The following CSPP1 variants were observed in gnomAD, a reference collection of about 807,000 sequenced individuals.
CSPP1 encodes centrosome and spindle pole-associated protein 1.
A neutral mutation model predicts 164.4 loss-of-function variants in CSPP1; 126 were observed. That is an observed-to-expected ratio of 0.77 (90% CI 0.66 to 0.89). CSPP1 has a LOEUF of 0.89. Among genes scored for constraint, CSPP1 ranks in the 40% least tolerant of loss-of-function variants. The probability of loss-of-function intolerance (pLI) is 0.00; values close to 1 mark genes in which losing one functional copy is unlikely to be tolerated. For missense variants in CSPP1, 1,395 were observed against 1,449.8 expected (o/e 0.96, Z 0.61); for synonymous variants, 472 against 476.7 (o/e 0.99, Z 0.13).
At chr8:67,161,621 A>G (rs1369059919) in intron 21 of CSPP1, among the ~76,000 whole-genome samples, 190 bp from the exon 22 acceptor site, 1 of 152,138 alleles carries the variant, frequency 6.6e-6, no homozygotes, top group African/African-American at 2.4e-5. Context: ...ATTTATGTTT[A>G]TCATAACCAA....
intron 3 of CSPP1, among the ~76,000 whole-genome samples, chr8:67,085,295 T>C (rs1810148683): frequency 6.6e-6 from 1 of 151,938 alleles, no homozygotes; most frequent in Non-Finnish European, 1.5e-5. Context: ...TCCATTTTTA[T>C]GAAATCAGAA....
rs145635985 is a variant in CSPP1, at chr8:67,103,077, C to T, written c.964C>T (p.His322Tyr). 142 of 1,611,668 alleles carry T rather than the reference C, an allele frequency of 8.8e-5. No individual in the cohort carries two copies. The East Asian group carries it at 1.6e-3, about 18-fold the overall frequency. Reference sequence around the variant, plus strand: ...ACGAGGGAATATGCCTCCTATGGAACATGATGGGGATGTTATAGAACAGTC... The same window carrying T: ...ACGAGGGAATATGCCTCCTATGGAATATGATGGGGATGTTATAGAACAGTC... Reference protein sequence around the residue: ...NKRGNMPPMEHDGDVIEQSNI... With the variant: ...NKRGNMPPMEYDGDVIEQSNI... Residue 322 changes from histidine (H) to tyrosine (Y), a missense_variant, in exon 8 of 31, where the codon CAT (histidine) becomes TAT (tyrosine). Coordinates refer to ENST00000678616, the MANE Select transcript of CSPP1 (RefSeq NM_001382391.1).
intron 16 of CSPP1, among the ~76,000 whole-genome samples, chr8:67,132,860 C>T (rs1821505809): frequency 6.6e-6 from 1 of 152,136 alleles, no homozygotes; most frequent in Admixed American, 6.5e-5. Flanking sequence ...GTATGGGGTT[C>T]TTTGTGGGAA....
chr8:67,088,667 C>T (rs1206591308), intron 4 of CSPP1, among the ~76,000 whole-genome samples: 2 of 150,814 alleles, frequency 1.3e-5, no homozygotes, highest in African/African-American at 4.9e-5. Flanking sequence ...GAGGCAGAGG[C>T]GGGCAGATCA....
chr8:67,158,626 T>G, intron 20 of CSPP1, 30 bp downstream of exon 20: 1 of 1,546,274 alleles, frequency 6.5e-7, no homozygotes, highest in Non-Finnish European at 8.7e-7. Context: ...TGTATTTTAC[T>G]ACTTAGTCTG....
chr8:67,193,348 C>T (rs1253888698), intron 29 of CSPP1, 116 bp from the exon 30 acceptor site: 18 of 803,050 alleles, frequency 2.2e-5, no homozygotes, highest in Middle Eastern at 2.5e-4. Flanking sequence ...CTGCCCACCT[C>T]GGCTTCCCAA....
intron 15 of CSPP1, among the ~76,000 whole-genome samples, chr8:67,129,875 T>C (rs1820855784): frequency 6.6e-6 from 1 of 152,212 alleles, no homozygotes; most frequent in South Asian, 2.1e-4. Context: ...CATATGGCTA[T>C]GAAGGATATT....
chr8:67,172,614 A>ATTGTTTT, intron 25 of CSPP1, 59 bp downstream of exon 25: 4 of 1,367,500 alleles, frequency 2.9e-6, no homozygotes, highest in African/African-American at 2.9e-5. Context: ...ATATTTAAAT[A>ATTGTTTT]TCTATAAAGA....
intron 27 of CSPP1, 55 bp from the exon 28 acceptor site, chr8:67,179,808 G>A: frequency 4.1e-6 from 5 of 1,219,070 alleles, no homozygotes; most frequent in Non-Finnish European, 4.8e-6. Flanking sequence ...GTATAAATTT[G>A]TTGTTTTTGT....
intron 7 of CSPP1, among the ~76,000 whole-genome samples, chr8:67,102,434 C>CA (rs1814317311): frequency 6.6e-6 from 1 of 151,904 alleles, no homozygotes; most frequent in Admixed American, 6.6e-5. Context: ...TACTAAAATA[C>CA]AAAAAATTAG....
intron 3 of CSPP1, among the ~76,000 whole-genome samples, chr8:67,084,959 C>T (rs947576053): frequency 2.0e-5 from 3 of 152,010 alleles, no homozygotes; most frequent in Non-Finnish European, 4.4e-5. Flanking sequence ...AATTTACACA[C>T]CATAACATTT....
chr8:67,132,783 A>G (rs1457892138), intron 16 of CSPP1, among the ~76,000 whole-genome samples: 1 of 152,204 alleles, frequency 6.6e-6, no homozygotes, highest in Non-Finnish European at 1.5e-5. Context: ...TCATGTTTAC[A>G]GAGGAGGATA....
chr8:67,093,572 A>G lies in CSPP1; in HGVS notation c.414A>G (p.Glu138=), dbSNP rs760017432. 9.9e-6 allele frequency: 16 copies of G among 1,611,478 alleles called. No individual in the cohort carries two copies. The Admixed American group carries it at 2.5e-4, about 25-fold the overall frequency. The part of the protein sequence containing the change: ...KERLKLERNK[E]YNQFLRGKEE... ...GGTTGAAACTTGAACGTAACAAAGAATACAATCAGTTTCTCAGGGGTAAGG... is the reference window on the plus strand; with the variant it reads ...GGTTGAAACTTGAACGTAACAAAGAGTACAATCAGTTTCTCAGGGGTAAGG... Residue 138 remains glutamate, a synonymous_variant, in exon 6 of 31, where the codon GAA becomes GAG. Coordinates refer to ENST00000678616, the MANE Select transcript of CSPP1 (RefSeq NM_001382391.1).
chr8:67,194,762 A>C (rs896532584), intron 30 of CSPP1, among the ~76,000 whole-genome samples: 4 of 152,106 alleles, frequency 2.6e-5, no homozygotes, highest in Non-Finnish European at 5.9e-5. Flanking sequence ...ATAATAAATA[A>C]AAGTAAAATA....
intron 28 of CSPP1, among the ~76,000 whole-genome samples, chr8:67,184,223 A>T (rs1281293605): frequency 6.6e-6 from 1 of 152,224 alleles, no homozygotes; most frequent in African/African-American, 2.4e-5. Context: ...AAGTAGAAAG[A>T]TCTAAAATCA....
chr8:67,118,336 T>C lies in CSPP1; in HGVS notation c.1585T>C (p.Ser529Pro). ...TGATGATGCATACTATTTTTATGGG[T>C]CCAGGAATACTTTCGATCCCAGTCT... is the stretch of plus-strand genomic sequence containing the variant. The part of the protein sequence containing the change: ...PYDDAYYFYG[S>P]RNTFDPSLAY... The change falls in exon 14 of 31, where the codon TCC becomes CCC. Residue 529 changes from serine to proline, a missense_variant. Ser to Pro is a moderately conservative substitution (Grantham distance 74). Transcript: ENST00000678616. 1 of 1,613,636 alleles carries C rather than the reference T, an allele frequency of 6.2e-7. No individual in the cohort carries two copies. Among genetic ancestry groups the C allele is most frequent in the Non-Finnish European group, 8.5e-7 (1 of 1,179,648 alleles).
intron 29 of CSPP1, 34 bp downstream of exon 29, chr8:67,190,793 T>TA: frequency 6.8e-7 from 1 of 1,469,626 alleles, no homozygotes; most frequent in Non-Finnish European, 9.5e-7. Flanking sequence ...CTTTTCAACT[T>TA]AGAAGAATGA....
At chr8:67,147,898 CT>C (rs1432910387) in intron 17 of CSPP1, among the ~76,000 whole-genome samples, 2 of 151,848 alleles carry the variant, frequency 1.3e-5, no homozygotes, top group African/African-American at 4.8e-5. Context: ...ATCTTTAAAT[CT>C]TTTTCTTTGC....
At chr8:67,193,630 G>A (rs1473377511) in intron 30 of CSPP1, 28 bp downstream of exon 30, 7 of 1,586,474 alleles carry the variant, frequency 4.4e-6, no homozygotes, top group Non-Finnish European at 6.0e-6. Context: ...ATGGCCTATA[G>A]TAGAATCCTG....
Sources: allele counts gnomAD v4.1 joint callset (sites outside exome capture counted in the v4.1 genomes callset), GRCh38; gene constraint gnomAD v4.1.1; transcripts MANE v1.5; gene names NCBI Gene and HGNC (gene_info 2026-07-23, HGNC 2026-07-21).